Variants in BBS9 observed in about 807,000 individuals in gnomAD.
BBS9 encodes Bardet-Biedl syndrome 9.
BBS9 carries 89 observed loss-of-function variants against 117.7 expected under a neutral mutation model. The ratio of observed to expected loss-of-function variants is 0.76; its 90% CI spans 0.64 to 0.90. BBS9 has a LOEUF of 0.90. Ranked by LOEUF, BBS9 falls within the 40% of genes least tolerant of loss-of-function variation. BBS9 has a pLI of 0.00. For missense variants in BBS9, 982 were observed against 1,042.2 expected, an observed-to-expected ratio of 0.94 and a Z score of 0.80; for synonymous variants, 379 against 370.9, an observed-to-expected ratio of 1.02 and a Z score of -0.25.
intron 19 of BBS9, among the ~76,000 whole-genome samples, chr7:33,400,527 T>A (rs1384739137): frequency 1.3e-5 from 2 of 152,154 alleles, no homozygotes; most frequent in African/African-American, 4.8e-5. Flanking sequence ...ACAACCCTTA[T>A]AACCCTCACA....
intron 15 of BBS9, 120 bp downstream of exon 15, chr7:33,352,993 CT>C: frequency 1.9e-6 from 2 of 1,034,890 alleles, no homozygotes; most frequent in Non-Finnish European, 2.9e-6. Context: ...AGAAGAAGTT[CT>C]TTAGGATGAT....
intron 19 of BBS9, among the ~76,000 whole-genome samples, chr7:33,459,311 C>T (rs1450091808): frequency 4.6e-5 from 7 of 151,740 alleles, no homozygotes; most frequent in African/African-American, 7.3e-5. Flanking sequence ...ATCGAGACTC[C>T]GGGACATTTG....
chr7:33,507,854 G>C (rs1408991790), intron 20 of BBS9, among the ~76,000 whole-genome samples: 1 of 152,158 alleles, frequency 6.6e-6, no homozygotes, highest in Non-Finnish European at 1.5e-5. Flanking sequence ...GTGATAAAGT[G>C]CTGTTAAAAC....
chr7:33,204,260 CGG>C, intron 5 of BBS9, among the ~76,000 whole-genome samples: 1 of 148,928 alleles, frequency 6.7e-6, no homozygotes, highest in Admixed American at 6.6e-5. Flanking sequence ...AAAAATTAGC[CGG>C]TGGTGGTGGT....
At chr7:33,297,895 T>C (rs923460428) in intron 9 of BBS9, among the ~76,000 whole-genome samples, 1 of 152,178 alleles carries the variant, frequency 6.6e-6, no homozygotes, top group African/African-American at 2.4e-5. Flanking sequence ...TAAATAGTTA[T>C]CAAAGACAGT....
intron 5 of BBS9, among the ~76,000 whole-genome samples, chr7:33,186,024 T>G (rs1190031496): frequency 6.6e-6 from 1 of 152,246 alleles, no homozygotes; most frequent in Non-Finnish European, 1.5e-5. Context: ...TAAATGTAAC[T>G]TCTTTGAGTT....
At chr7:33,579,693 T>A (rs1164176572) in intron 21 of BBS9, among the ~76,000 whole-genome samples, 1 of 152,104 alleles carries the variant, frequency 6.6e-6, no homozygotes, top group African/African-American at 2.4e-5. Flanking sequence ...GTACCCCTGA[T>A]GATGGTGAAA....
chr7:33,375,435 T>G (rs1823666513), intron 17 of BBS9, among the ~76,000 whole-genome samples: 2 of 152,098 alleles, frequency 1.3e-5, no homozygotes, highest in African/African-American at 4.8e-5. Context: ...TTAACCATCT[T>G]GGAGTACTAA....
At chr7:33,623,282 A>G (rs547323220) in intron 21 of BBS9, among the ~76,000 whole-genome samples, 56 of 147,230 alleles carry the variant, frequency 3.8e-4, no homozygotes, top group Non-Finnish European at 6.0e-4. Flanking sequence ...CTAAAATTGG[A>G]AAAAAAAAAC....
At chr7:33,174,305 T>C (rs996794427) in intron 4 of BBS9, among the ~76,000 whole-genome samples, 4 of 152,214 alleles carry the variant, frequency 2.6e-5, no homozygotes, top group Admixed American at 6.5e-5. Context: ...TCCTGGGGGT[T>C]GTTAGAACCT....
At chr7:33,204,406 CA>C (rs569185367) in intron 5 of BBS9, among the ~76,000 whole-genome samples, 42 of 134,118 alleles carry the variant, frequency 3.1e-4, no homozygotes, top group Admixed American at 3.0e-4. Context: ...GACTCCATCT[CA>C]AAAAAAAAAA....
intron 21 of BBS9, among the ~76,000 whole-genome samples, chr7:33,564,321 A>G (rs1856543351): frequency 6.6e-6 from 1 of 152,194 alleles, no homozygotes; most frequent in Non-Finnish European, 1.5e-5. Context: ...CAAACAACAA[A>G]TAATTAGTTG....
rs533886498 is a variant in BBS9, at chr7:33,623,587, T to C, written c.2522-11590T>C. 2.0e-4 allele frequency among the ~76,000 whole-genome samples: 9 copies of C among 44,700 alleles called. No homozygotes were observed. The East Asian group carries it at 4.7e-3, about 23-fold the overall frequency. The allele number at this position is 44,700 out of a possible 152,430, so 29.3% of individuals were successfully genotyped here. ...TTGAGAATGCTCATAAAAGCATGAT[T>C]AAAAAAAAGAAAAACCAAACCCCCA... is the stretch of plus-strand genomic sequence containing the variant. On this transcript the variant is annotated intron_variant, in intron 21 of 21. Transcript: ENST00000671952.
chr7:33,458,487 A>G (rs1344523021), intron 19 of BBS9, among the ~76,000 whole-genome samples: 1 of 152,144 alleles, frequency 6.6e-6, no homozygotes, highest in Non-Finnish European at 1.5e-5. Flanking sequence ...TATATTAACT[A>G]TTCTGTGCCA....
rs190685538 is a variant in BBS9, at chr7:33,322,944, G to A, written c.1017-13497G>A. Among the ~76,000 whole-genome samples the A allele has an allele frequency of 1.4e-4, 21 of 151,988 alleles. No individual in the cohort carries two copies. In the East Asian group the frequency reaches 2.1e-3, roughly 15 times the overall value. ...TTTGGAATATTACATTTCCATTATCGTTTATTTCAAGAAAATTTTCAATTT... is the reference window on the plus strand; with the variant it reads ...TTTGGAATATTACATTTCCATTATCATTTATTTCAAGAAAATTTTCAATTT... On this transcript the variant is annotated intron_variant, in intron 9 of 22. Coordinates refer to ENST00000242067, the MANE Select transcript of BBS9 (RefSeq NM_198428.3).
chr7:33,556,543 T>C (rs1020048996), intron 21 of BBS9, among the ~76,000 whole-genome samples: 18 of 152,242 alleles, frequency 1.2e-4, no homozygotes, highest in African/African-American at 4.3e-4. Flanking sequence ...AAATGTAATA[T>C]ATTTGAAGAC....
chr7:33,386,713 C>T (rs1015364468), intron 18 of BBS9, among the ~76,000 whole-genome samples: 2 of 151,986 alleles, frequency 1.3e-5, no homozygotes, highest in Non-Finnish European at 2.9e-5. Flanking sequence ...CCAGGATGGT[C>T]TCGATCTCCT....
chr7:33,130,651 C>A (rs1789450697), intron 1 of BBS9, among the ~76,000 whole-genome samples: 1 of 151,876 alleles, frequency 6.6e-6, no homozygotes, highest in African/African-American at 2.4e-5. Context: ...AGTTGGCCAG[C>A]ATTCAGAGAA....
chr7:33,178,329 TG>T (rs1168124999), intron 5 of BBS9, among the ~76,000 whole-genome samples: 1 of 152,230 alleles, frequency 6.6e-6, no homozygotes, highest in Non-Finnish European at 1.5e-5. Flanking sequence ...TCAGTGAGAC[TG>T]GGTTCCTCCC....
Sources: allele counts gnomAD v4.1 joint callset (sites outside exome capture counted in the v4.1 genomes callset), GRCh38; gene constraint gnomAD v4.1.1; transcripts MANE v1.5; gene names NCBI Gene and HGNC (gene_info 2026-07-23, HGNC 2026-07-21).